EFCAB5: variants seen among roughly 807,000 people sequenced by gnomAD.
The protein encoded by EFCAB5 is EF-hand calcium binding domain 5, also known as EF-hand calcium-binding domain-containing protein 5.
A neutral mutation model predicts 167.9 loss-of-function variants in EFCAB5; 131 were observed. The ratio of observed to expected loss-of-function variants is 0.78; its 90% CI spans 0.68 to 0.90. The LOEUF (loss-of-function observed/expected upper bound fraction) is 0.90, where lower values mean the gene tolerates loss of function less well. EFCAB5 is among the 40% of genes least tolerant of loss of function. The pLI, the probability that EFCAB5 is intolerant of heterozygous loss-of-function variation, is 0.00. For synonymous variants in EFCAB5, 574 were observed against 602.8 expected (o/e 0.95, Z 0.70); for missense variants, 1,663 against 1,745.2 (o/e 0.95, Z 0.84).
intron 3 of EFCAB5, chr17:29,968,404 A>T (rs1223467457): frequency 2.3e-6 from 1 of 437,810 alleles, no homozygotes; most frequent in Non-Finnish European, 4.5e-6. Flanking sequence ...GGAGTCTGGG[A>T]TCTTCTCCTC....
chr17:29,949,817 A>T (rs773202348), intron 3 of EFCAB5, among the ~76,000 whole-genome samples: 8 of 152,224 alleles, frequency 5.3e-5, no homozygotes, highest in Non-Finnish European at 1.0e-4. Flanking sequence ...TCCATTCTGT[A>T]CATCAGTGGG....
chr17:30,059,815 C>A, intron 14 of EFCAB5, 114 bp downstream of exon 14: 1 of 743,080 alleles, frequency 1.3e-6, no homozygotes, highest in Non-Finnish European at 2.0e-6. Context: ...GATAACCCTT[C>A]ATGTCTACCA....
intron 7 of EFCAB5, among the ~76,000 whole-genome samples, chr17:30,019,122 G>C (rs767525426): frequency 6.6e-6 from 1 of 152,138 alleles, no homozygotes; most frequent in African/African-American, 2.4e-5. Flanking sequence ...GAAGAGAAGA[G>C]GAAAGTGCCT....
intron 4 of EFCAB5, among the ~76,000 whole-genome samples, chr17:29,991,361 A>G (rs1481878909): frequency 5.3e-5 from 8 of 152,240 alleles, no homozygotes; most frequent in Admixed American, 1.3e-4. Context: ...CAGGGGGCTG[A>G]CAGCCTTCAG....
chr17:29,934,107 A>G (rs963995600), intron 1 of EFCAB5, among the ~76,000 whole-genome samples: 3 of 152,212 alleles, frequency 2.0e-5, no homozygotes, highest in African/African-American at 7.2e-5. Context: ...GCTTCTGTAA[A>G]CATAACATTT....
At chr17:30,066,081 C>T (rs1386502528) in intron 14 of EFCAB5, among the ~76,000 whole-genome samples, 1 of 152,148 alleles carries the variant, frequency 6.6e-6, no homozygotes, top group Non-Finnish European at 1.5e-5. Flanking sequence ...TGGATTTAAA[C>T]TAAACATTAG....
At chr17:30,049,175 T>C (rs1597724460) in intron 8 of EFCAB5, among the ~76,000 whole-genome samples, 1 of 152,180 alleles carries the variant, frequency 6.6e-6, no homozygotes, top group East Asian at 1.9e-4. Context: ...CTAATGTGTG[T>C]CAGAGGATGG....
At chr17:30,046,272 T>C (rs1159377353) in intron 8 of EFCAB5, among the ~76,000 whole-genome samples, 1 of 152,180 alleles carries the variant, frequency 6.6e-6, no homozygotes, top group East Asian at 1.9e-4. Context: ...TTAAAAATAA[T>C]CACTTATGGT....
chr17:29,937,813 C>T (rs1208198681), upstream of EFCAB5, among the ~76,000 whole-genome samples: 1 of 152,162 alleles, frequency 6.6e-6, no homozygotes, highest in Admixed American at 6.5e-5. Flanking sequence ...ATCTGGCCAC[C>T]GCAAACCCCC....
chr17:29,945,591 C>T (rs2151522028), intron 3 of EFCAB5, among the ~76,000 whole-genome samples: 1 of 151,996 alleles, frequency 6.6e-6, no homozygotes, highest in African/African-American at 2.4e-5. Flanking sequence ...ACCAAACTTT[C>T]CTTCAAATTA....
chr17:29,957,576 G>A (rs1387310966), intron 3 of EFCAB5, among the ~76,000 whole-genome samples: 4 of 152,098 alleles, frequency 2.6e-5, no homozygotes, highest in Non-Finnish European at 4.4e-5. Flanking sequence ...GAGAACATGC[G>A]GTGTTTGGTT....
chr17:30,105,575 T>C (rs761593615), intron 22 of EFCAB5, among the ~76,000 whole-genome samples: 4 of 152,186 alleles, frequency 2.6e-5, no homozygotes, highest in Non-Finnish European at 5.9e-5. Context: ...TAAGTATGTA[T>C]GTCGATTGGT....
At chr17:30,015,614 C>A (rs2069016398) in intron 7 of EFCAB5, among the ~76,000 whole-genome samples, 1 of 152,168 alleles carries the variant, frequency 6.6e-6, no homozygotes, top group Non-Finnish European at 1.5e-5. Flanking sequence ...TCCTTGCCAA[C>A]ACTTATTCTC....
intron 7 of EFCAB5, among the ~76,000 whole-genome samples, chr17:30,013,854 T>G (rs778366807): frequency 3.7e-4 from 57 of 152,290 alleles, no homozygotes; most frequent in Non-Finnish European, 5.7e-4. Context: ...GCTTTTGAAT[T>G]TGTTTGCTCT....
At chr17:29,987,596 T>G (rs1357469726) in intron 4 of EFCAB5, among the ~76,000 whole-genome samples, 1 of 152,230 alleles carries the variant, frequency 6.6e-6, no homozygotes, top group Non-Finnish European at 1.5e-5. Flanking sequence ...TAGATTCAGT[T>G]GCATATGTGG....
At chr17:29,988,426 C>T (rs1204476261) in intron 4 of EFCAB5, among the ~76,000 whole-genome samples, 4 of 152,166 alleles carry the variant, frequency 2.6e-5, no homozygotes, top group East Asian at 1.9e-4. Flanking sequence ...CTACAAGCTC[C>T]ACTTTTTGAG....
chr17:29,955,385 C>A (rs1368547337), intron 3 of EFCAB5, among the ~76,000 whole-genome samples: 1 of 152,130 alleles, frequency 6.6e-6, no homozygotes, highest in Admixed American at 6.5e-5. Flanking sequence ...GTGAATAAAT[C>A]TCACAAGATC....
chr17:30,080,077 T>C lies in EFCAB5; in HGVS notation c.3033T>C (p.Ala1011=), dbSNP rs1239812870. 1 of 1,607,650 alleles carries C rather than the reference T, an allele frequency of 6.2e-7. No individual in the cohort carries two copies. Among genetic ancestry groups the C allele is most frequent in the Non-Finnish European group, 8.5e-7 (1 of 1,177,276 alleles). ...SETFKALMQD[A]EAHGNKKISA... ...TCGGAAACGTTTTGCTGTAGGATGCTGAAGCCCATGGAAATAAAAAGATCA... is the reference window on the plus strand; with the variant it reads ...TCGGAAACGTTTTGCTGTAGGATGCCGAAGCCCATGGAAATAAAAAGATCA... The change falls in exon 16 of 23, where the codon GCT becomes GCC. Residue 1011 remains alanine, a synonymous_variant. Coordinates refer to ENST00000394835, the MANE Select transcript of EFCAB5 (RefSeq NM_198529.4).
At chr17:30,047,771 T>C (rs1035376148) in intron 8 of EFCAB5, among the ~76,000 whole-genome samples, 6 of 152,208 alleles carry the variant, frequency 3.9e-5, no homozygotes, top group Admixed American at 3.9e-4. Flanking sequence ...AGAAAAGCAC[T>C]AACTATAGGT....
Sources: allele counts gnomAD v4.1 joint callset (sites outside exome capture counted in the v4.1 genomes callset), GRCh38; gene constraint gnomAD v4.1.1; transcripts MANE v1.5; gene names NCBI Gene and HGNC (gene_info 2026-07-23, HGNC 2026-07-21).